Variants in RRP12 observed in about 807,000 individuals in gnomAD.
RRP12 encodes RRP12-like protein.
In RRP12, 78 loss-of-function variants were observed where a neutral mutation model predicts 157.3. The ratio of observed to expected loss-of-function variants is 0.50; its 90% CI spans 0.41 to 0.60. The LOEUF is 0.60. Ranked by LOEUF, RRP12 falls within the 20% of genes least tolerant of loss-of-function variation. RRP12 has a pLI of 0.00. For synonymous variants in RRP12, 726 were observed against 670.9 expected, an observed-to-expected ratio of 1.08 and a Z score of -1.27; for missense variants, 1,521 against 1,679.9, an observed-to-expected ratio of 0.91 and a Z score of 1.65.
chr10:97,371,228 G>T, intron 20 of RRP12, 147 bp from the exon 21 acceptor site: 2 of 843,768 alleles, frequency 2.4e-6, no homozygotes, highest in South Asian at 3.6e-5. Context: ...AATGTGGACA[G>T]CGAGTGGCTA....
Position 97,366,514 on chromosome 10 carries a change from C to T in RRP12, c.3323G>A (p.Trp1108Ter). 1 of 1,614,124 alleles carries T rather than the reference C, an allele frequency of 6.2e-7. No individual in the cohort carries two copies. Among genetic ancestry groups the T allele is most frequent in the African/African-American group, 1.3e-5 (1 of 75,064 alleles). ...CTCGTCCCCACCGCCCTCTTTCAGC[C>T]ATGCCCGGCTCCTCTGTCGTGCCAG... is the stretch of plus-strand genomic sequence containing the variant. Reference protein sequence around the residue: ...RKLARQRSRAWLKEGGGDEPL... With the variant: ...RKLARQRSRA Residue 1108 changes from tryptophan (W) to a stop codon, truncating the protein, a stop_gained, in exon 28 of 34, where the codon TGG (tryptophan) becomes TAG (stop). Coordinates refer to ENST00000370992, the MANE Select transcript of RRP12 (RefSeq NM_015179.4). LOFTEE classifies it high-confidence loss of function.
At chr10:97,392,865 G>A (rs962740325) in intron 4 of RRP12, among the ~76,000 whole-genome samples, 2 of 151,242 alleles carry the variant, frequency 1.3e-5, no homozygotes, top group Non-Finnish European at 2.9e-5. Context: ...TAATTTTTGT[G>A]TTTTTAGTAG....
Position 97,372,172 on chromosome 10 carries a change from C to T in RRP12, c.2250-6G>A, listed in dbSNP as rs368130127. ...CCAGGTCCAGGACAGACAATCTGCT[C>T]GGGGCAGGAGGACAAGGAGAGGGAT... On this transcript the variant is annotated splice_polypyrimidine_tract_variant and splice_region_variant and intron_variant, in intron 19 of 33. Transcript: ENST00000370992. 39 of 1,611,856 alleles carry T rather than the reference C, an allele frequency of 2.4e-5. No individual in the cohort carries two copies. In the Middle Eastern group the frequency reaches 5.0e-4, roughly 21 times the overall value.
intron 6 of RRP12, 114 bp from the exon 7 acceptor site, chr10:97,388,738 A>G: frequency 2.3e-6 from 3 of 1,288,630 alleles, no homozygotes; most frequent in South Asian, 2.8e-5. Flanking sequence ...TCCAATGATG[A>G]TCTGACTACT....
At chr10:97,366,644 CAG>C in intron 27 of RRP12, 23 bp from the exon 28 acceptor site, 2 of 1,604,818 alleles carry the variant, frequency 1.2e-6, no homozygotes, top group Non-Finnish European at 1.7e-6. Flanking sequence ...AGCCCCCAGT[CAG>C]AGTGCTCCCA....
rs747558457 is a variant in RRP12 at position 97,373,812 on chromosome 10, C to G, written c.1863+18G>C. On this transcript the variant is annotated intron_variant, in intron 16 of 33. Coordinates refer to ENST00000370992, the MANE Select transcript of RRP12 (RefSeq NM_015179.4). ...CCCTGTGTGCTTCTCCCCACGCCCT[C>G]CCCCAGCTGACCCTTACCTGCCACT... The G allele has an allele frequency of 2.5e-6, 4 of 1,613,686 alleles. No individual in the cohort carries two copies. In the South Asian group the frequency reaches 3.3e-5, roughly 13 times the overall value.
intron 6 of RRP12, among the ~76,000 whole-genome samples, chr10:97,389,765 T>G (rs1844749150): frequency 6.6e-6 from 1 of 151,900 alleles, no homozygotes. Context: ...CAGGCTGGAG[T>G]GCAGTGGTGC....
rs928511634 is a variant in RRP12, at chr10:97,367,194, G to C, written c.2956-62C>G. ...CCTTCCATGCTGCGCCCCCTTTACTGCTGTCCAGCCCAGGGACGCAGCATG... is the reference window on the plus strand; with the variant it reads ...CCTTCCATGCTGCGCCCCCTTTACTCCTGTCCAGCCCAGGGACGCAGCATG... On this transcript the variant is annotated intron_variant, in intron 25 of 33. Coordinates refer to ENST00000370992, the MANE Select transcript of RRP12 (RefSeq NM_015179.4). 2.1e-5 allele frequency: 30 copies of C among 1,416,286 alleles called. 1 individual carries two copies. In the Admixed American group the frequency reaches 4.1e-4, roughly 19 times the overall value. The allele number at this position is 1,416,286 out of a possible 1,614,324, so 87.7% of individuals were successfully genotyped here. A position where few individuals can be genotyped will look rare whatever the true frequency, so the allele number is the denominator to read the frequency against.
chr10:97,362,442 G>A (rs1445379041), intron 30 of RRP12, among the ~76,000 whole-genome samples: 1 of 152,222 alleles, frequency 6.6e-6, no homozygotes, highest in Non-Finnish European at 1.5e-5. Flanking sequence ...GCATCACTAA[G>A]TGGCAAGCAC....
chr10:97,370,491 C>T lies in RRP12; in HGVS notation c.2653G>A (p.Gly885Ser), dbSNP rs773226736. 2 of 1,610,612 alleles carry T rather than the reference C, an allele frequency of 1.2e-6. No homozygotes were observed. Among genetic ancestry groups the T allele is most frequent in the Non-Finnish European group, 1.7e-6 (2 of 1,178,426 alleles). Residue 885 changes from glycine to serine, a missense_variant, in exon 23 of 34, where the codon GGC becomes AGC. Gly to Ser is a moderately conservative substitution (Grantham distance 56). Transcript: ENST00000370992. Reference protein sequence around the residue: ...KNAFALLVEMGHAFLRFGSNQ... With the variant: ...KNAFALLVEMSHAFLRFGSNQ... The stretch of plus-strand genomic sequence containing the variant: ...GAGCCAAACCTTAGGAAAGCATGGC[C>T]CATCTCCACGAGCAGTGCAAAAGCG...
Position 97,366,820 on chromosome 10 carries a change from C to T in RRP12, c.3137G>A (p.Arg1046Gln), listed in dbSNP as rs781647932. Residue 1046 changes from arginine to glutamine, a missense_variant, in exon 27 of 34, where the codon CGA becomes CAA. By Grantham distance (43) the Arg-to-Gln change is conservative. Coordinates refer to ENST00000370992, the MANE Select transcript of RRP12 (RefSeq NM_015179.4). The stretch of plus-strand genomic sequence containing the variant: ...CTCCACGGCAGCCTGGCTCAGGGCT[C>T]GGTGCCTCTTGGCCCGGGCCTCAGC... ...RKAEARAKRH[R>Q]ALSQAAVEEE... The T allele has an allele frequency of 1.6e-5, 26 of 1,614,058 alleles. No homozygotes were observed. The South Asian group carries it at 1.6e-4, about 10-fold the overall frequency.
chr10:97,393,790 G>A (rs779569336), intron 3 of RRP12, 30 bp from the exon 4 acceptor site: 3 of 1,582,544 alleles, frequency 1.9e-6, no homozygotes, highest in Admixed American at 1.7e-5. Context: ...GGTTTGAATG[G>A]ATAAAAACTT....
rs1305905942 is a variant in RRP12 at position 97,397,016 on chromosome 10, T to A, written c.370-715A>T. 2.1e-4 allele frequency among the ~76,000 whole-genome samples: 32 copies of A among 151,876 alleles called. 1 individual carries two copies. Among genetic ancestry groups the A allele is most frequent in the Admixed American group, 1.8e-3 (27 of 15,226 alleles). On this transcript the variant is annotated intron_variant, in intron 2 of 33. Transcript: ENST00000370992. ...CTGGCCTCAAGTGATCTGCCCTCCT[T>A]AGCCTCCCAAAGTGCTGAGATTACA...
At chr10:97,371,850 C>A in intron 20 of RRP12, 1 of 470,000 alleles carries the variant, frequency 2.1e-6, no homozygotes, top group South Asian at 3.5e-5. Flanking sequence ...AAGAGTCACT[C>A]AGCACGCAAG....
chr10:97,390,516 A>C lies in RRP12; in HGVS notation c.660T>G (p.Leu220=). The C allele has an allele frequency of 6.2e-7, 1 of 1,613,804 alleles. No homozygotes were observed. Among genetic ancestry groups the C allele is most frequent in the Middle Eastern group, 1.7e-4 (1 of 6,040 alleles). The stretch of plus-strand genomic sequence containing the variant: ...AGGCCTCCAGGTCTTGCTTCCGCAG[A>C]AGGGTGGCCAGGCAGGAAAGGACCT... The part of the protein sequence containing the change: ...LRWVLSCLAT[L]LRKQDLEAWG... The change falls in exon 6 of 34, where the codon CTT becomes CTG. Residue 220 remains leucine, a synonymous_variant. Transcript: ENST00000370992.
chr10:97,388,659 TC>T, intron 6 of RRP12, 35 bp from the exon 7 acceptor site: 1 of 1,606,660 alleles, frequency 6.2e-7, no homozygotes, highest in Middle Eastern at 1.7e-4. Context: ...CAAGGCCAGA[TC>T]AGCGTTCCAC....
At chr10:97,372,420 C>T (rs1844182870) in intron 19 of RRP12, among the ~76,000 whole-genome samples, 2 of 152,184 alleles carry the variant, frequency 1.3e-5, no homozygotes, top group Admixed American at 6.5e-5. Context: ...GAACTATTAT[C>T]GTGCCCATTT....
intron 30 of RRP12, among the ~76,000 whole-genome samples, chr10:97,362,958 C>G (rs569855053): frequency 6.6e-6 from 1 of 152,188 alleles, no homozygotes; most frequent in African/African-American, 2.4e-5. Context: ...GCACTTTACA[C>G]GCCCAATCTT....
chr10:97,371,163 G>A, intron 20 of RRP12, 82 bp from the exon 21 acceptor site: 10 of 1,450,420 alleles, frequency 6.9e-6, no homozygotes, highest in Non-Finnish European at 9.4e-6. Context: ...CAGCACTGGA[G>A]GGATTCTGAG....
Sources: gnomAD v4.1 joint callset for allele counts (sites outside exome capture counted in the v4.1 genomes callset) on GRCh38, gnomAD v4.1.1 for gene constraint, MANE v1.5 for transcripts, NCBI Gene and HGNC (gene_info 2026-07-23, HGNC 2026-07-21) for gene names.